Variants in AZIN2 observed in about 807,000 individuals in gnomAD.
AZIN2 encodes the protein ODC antizyme inhibitor-2.
AZIN2 carries 28 observed loss-of-function variants against 47.8 expected under a neutral mutation model. The ratio of observed to expected loss-of-function variants is 0.59; its 90% CI spans 0.43 to 0.80. The LOEUF (loss-of-function observed/expected upper bound fraction) is 0.80, where lower values mean the gene tolerates loss of function less well. AZIN2 is among the 30% of genes least tolerant of loss of function. AZIN2 has a pLI of 0.00. For missense variants in AZIN2, 535 were observed against 582.5 expected (o/e 0.92, Z 0.84); for synonymous variants, 221 against 239.4 (o/e 0.92, Z 0.71).
the AZIN2 span, chr1:33,147,215 T>C: frequency 2.5e-6 from 4 of 1,613,874 alleles, no homozygotes; most frequent in African/African-American, 1.3e-5. The surrounding 1 kb of genome is among the most constrained non-coding windows in gnomAD (Gnocchi z 8.1). Flanking sequence ...GGCTGAACGT[T>C]CTTGCCATTG....
In AZIN2 at chr1:33,122,463, A is replaced by AT. The variant is rs1447985642; in HGVS notation, c.*2287dup. On this transcript the variant is annotated 3_prime_UTR_variant, in exon 12 of 12. Transcript: ENST00000294517. The stretch of plus-strand genomic sequence containing the variant: ...TACTTGAGGATAATAGTTAATAGTC[A>AT]TTTTTTCCCAGTTATTTGTTTTTGT... 2.6e-5 allele frequency among the ~76,000 whole-genome samples: 4 copies of AT among 152,230 alleles called. No homozygotes were observed. Among genetic ancestry groups the AT allele is most frequent in the East Asian group, 1.9e-4 (1 of 5,184 alleles).
chr1:33,140,112 A>C, the AZIN2 span, among the ~76,000 whole-genome samples: 90 of 151,932 alleles, frequency 5.9e-4, 1 homozygote, highest in African/African-American at 1.8e-3. This position sits in a 1 kb window ranked among gnomAD's most constrained non-coding sequence, Gnocchi z 4.0. Flanking sequence ...AAGAGGAAAG[A>C]GGGGAGAGAG....
At chr1:33,156,110 C>G in the AZIN2 span, among the ~76,000 whole-genome samples, 1 of 152,226 alleles carries the variant, frequency 6.6e-6, no homozygotes, top group Non-Finnish European at 1.5e-5. Context: ...AGCCATGCAG[C>G]AGATCGCAGT....
At chr1:33,136,263 TTCTC>T in the AZIN2 span, among the ~76,000 whole-genome samples, 15 of 151,272 alleles carry the variant, frequency 9.9e-5, no homozygotes, top group South Asian at 2.1e-4. Context: ...TTCTTTTTCT[TTCTC>T]TCTTTCTTTC....
chr1:33,114,212 G>A (rs923433917), intron 10 of AZIN2, among the ~76,000 whole-genome samples: 3 of 148,042 alleles, frequency 2.0e-5, no homozygotes, highest in South Asian at 4.3e-4. Flanking sequence ...ACCTCCGTCC[G>A]GGTTCAAATG....
At chr1:33,133,394 C>A in the AZIN2 span, among the ~76,000 whole-genome samples, 1 of 152,218 alleles carries the variant, frequency 6.6e-6, no homozygotes. Context: ...GTGTTTTGCA[C>A]AATAAGACCA....
chr1:33,116,968 G>A (rs1644572999), intron 10 of AZIN2, among the ~76,000 whole-genome samples: 1 of 152,204 alleles, frequency 6.6e-6, no homozygotes, highest in South Asian at 2.1e-4. Flanking sequence ...CATTTCAGTG[G>A]TGACTCTAGG....
At chr1:33,156,219 T>C in the AZIN2 span, among the ~76,000 whole-genome samples, 1 of 152,216 alleles carries the variant, frequency 6.6e-6, no homozygotes, top group Non-Finnish European at 1.5e-5. Flanking sequence ...ATCTCACAGA[T>C]ATGCTGTATT....
At chr1:33,107,304 G>A (rs1644057136) in intron 10 of AZIN2, among the ~76,000 whole-genome samples, 2 of 151,412 alleles carry the variant, frequency 1.3e-5, no homozygotes, top group Non-Finnish European at 2.9e-5. Flanking sequence ...ACAAAGGCCG[G>A]CGCAGTGGCT....
the AZIN2 span, among the ~76,000 whole-genome samples, chr1:33,161,349 C>T: frequency 6.2e-4 from 94 of 152,214 alleles, no homozygotes; most frequent in Non-Finnish European, 1.0e-3. This position sits in a 1 kb window ranked among gnomAD's most constrained non-coding sequence, Gnocchi z 4.3. Flanking sequence ...TATAGAAGTG[C>T]GGCCAGGCTG....
chr1:33,114,515 G>A (rs1378880336), intron 10 of AZIN2, among the ~76,000 whole-genome samples: 12 of 151,012 alleles, frequency 7.9e-5, no homozygotes, highest in African/African-American at 2.4e-5. Flanking sequence ...CACCATGCCC[G>A]GCTAATTTTT....
intron 5 of AZIN2, among the ~76,000 whole-genome samples, chr1:33,086,903 CCTTAAG>C: frequency 6.6e-6 from 1 of 152,184 alleles, no homozygotes; most frequent in East Asian, 1.9e-4. Context: ...AGTACTCCTT[CCTTAAG>C]CCATTGCTTC....
the AZIN2 span, among the ~76,000 whole-genome samples, chr1:33,137,012 A>G: frequency 1.3e-5 from 2 of 151,056 alleles, no homozygotes; most frequent in African/African-American, 2.4e-5. Flanking sequence ...AAAAAAAAAG[A>G]AAAGAAAATC....
the AZIN2 span, among the ~76,000 whole-genome samples, chr1:33,149,624 T>C: frequency 1.3e-5 from 2 of 151,602 alleles, no homozygotes; most frequent in Non-Finnish European, 2.9e-5. Context: ...GCAGCTAATT[T>C]TTAAATTTTT....
At chr1:33,135,023 A>G in the AZIN2 span, among the ~76,000 whole-genome samples, 2 of 152,290 alleles carry the variant, frequency 1.3e-5, no homozygotes, top group Non-Finnish European at 2.9e-5. Context: ...GCCGTGGCTC[A>G]TGCCTATAAT....
intron 5 of AZIN2, among the ~76,000 whole-genome samples, chr1:33,085,638 G>T (rs1470799850): frequency 1.3e-5 from 2 of 152,216 alleles, no homozygotes; most frequent in Admixed American, 1.3e-4. Flanking sequence ...GCGACTCCAG[G>T]TTGGGGAGAG....
chr1:33,148,866 G>A, the AZIN2 span, among the ~76,000 whole-genome samples: 1 of 152,204 alleles, frequency 6.6e-6, no homozygotes, highest in Non-Finnish European at 1.5e-5. Context: ...ACCCAGAGGG[G>A]AGACATGACA....
At chr1:33,148,561 T>C in the AZIN2 span, among the ~76,000 whole-genome samples, 33,785 of 152,056 alleles carry the variant, frequency 0.22, 3,843 homozygotes, top group East Asian at 0.3. Flanking sequence ...GGCTGCTTTG[T>C]TAGGTTTTCT....
intron 9 of AZIN2, 79 bp from the exon 10 acceptor site, chr1:33,097,988 G>T: frequency 9.6e-7 from 1 of 1,038,952 alleles, no homozygotes; most frequent in Non-Finnish European, 1.5e-6. Context: ...CTTCCTTACT[G>T]AGCCCACTGT....
Sources: gnomAD v4.1 joint callset for allele counts (sites outside exome capture counted in the v4.1 genomes callset) on GRCh38, gnomAD v4.1.1 for gene constraint, Gnocchi (gnomAD v3.1) non-coding constraint, MANE v1.5 for transcripts, NCBI Gene and HGNC (gene_info 2026-07-23, HGNC 2026-07-21) for gene names.